PSMG4: variants seen among roughly 807,000 people sequenced by gnomAD.
The protein encoded by PSMG4 is proteasome assembly chaperone 4.
A neutral mutation model predicts 11.0 loss-of-function variants in PSMG4; 10 were observed. The observed-to-expected ratio is 0.91, with a 90% CI of 0.56 to 1.54. PSMG4 has a LOEUF of 1.54. Ranked by LOEUF, PSMG4 falls within the 40% of genes most tolerant of loss-of-function variation. The pLI, the probability that PSMG4 is intolerant of heterozygous loss-of-function variation, is 0.00. For synonymous variants in PSMG4, 95 were observed against 71.3 expected (o/e 1.33, Z -1.68); for missense variants, 198 against 160.9 (o/e 1.23, Z -1.25).
intron 1 of PSMG4, 137 bp downstream of exon 1, chr6:3,259,333 C>G: frequency 2.4e-6 from 2 of 821,666 alleles, no homozygotes; most frequent in Non-Finnish European, 3.2e-6. Flanking sequence ...CGTGGGATGT[C>G]TTAGGAAGCC....
chr6:3,254,959 C>A (rs375948598), upstream of PSMG4: 84 of 1,387,510 alleles, frequency 6.1e-5, no homozygotes, highest in Non-Finnish European at 7.7e-5. Context: ...TTGGGTGTTG[C>A]AGAGCATGTG....
chr6:3,254,951 G>T (rs533745620), upstream of PSMG4: 4 of 1,314,814 alleles, frequency 3.0e-6, no homozygotes, highest in Non-Finnish European at 4.1e-6. Flanking sequence ...GTCAGCTGTT[G>T]GGTGTTGCAG....
At chr6:3,263,636 C>A in intron 1 of PSMG4, 48 bp from the exon 2 acceptor site, 1 of 1,452,272 alleles carries the variant, frequency 6.9e-7, no homozygotes, top group Non-Finnish European at 9.2e-7. Context: ...GTGTGGCTGG[C>A]CTGCGGGGGG....
chr6:3,263,339 G>A (rs977505476), intron 1 of PSMG4, among the ~76,000 whole-genome samples: 38 of 152,246 alleles, frequency 2.5e-4, no homozygotes, highest in African/African-American at 8.7e-4. Context: ...TCTTGCTGTA[G>A]CCTTAATGAT....
Position 3,264,300 on chromosome 6 carries a change from A to G in PSMG4, c.250+541A>G, listed in dbSNP as rs757193433. Reference sequence around the variant, plus strand: ...AGGCTGAATGCTCCACTCTTCCCACACCCCAACACACTTCCTGTGGGCCAG... The same window carrying G: ...AGGCTGAATGCTCCACTCTTCCCACGCCCCAACACACTTCCTGTGGGCCAG... On this transcript the variant is annotated intron_variant, in intron 2 of 2. Transcript: ENST00000438998. 6 of 1,550,978 alleles carry G rather than the reference A, an allele frequency of 3.9e-6. 1 individual carries two copies. The South Asian group carries it at 7.1e-5, about 18-fold the overall frequency.
chr6:3,254,444 T>C (rs556598668), upstream of PSMG4, among the ~76,000 whole-genome samples: 10 of 69,160 alleles, frequency 1.4e-4, no homozygotes, highest in Middle Eastern at 5.6e-3. Flanking sequence ...GCTGTAATAG[T>C]TTTCTGCTTT....
At chr6:3,258,168 G>C (rs1757829636), upstream of PSMG4, among the ~76,000 whole-genome samples, 1 of 74,506 alleles carries the variant, frequency 1.3e-5, no homozygotes, top group Non-Finnish European at 4.7e-5. Context: ...CCATAGGTAT[G>C]ACAATGGGAT....
chr6:3,258,565 T>C (rs961758360), upstream of PSMG4, among the ~76,000 whole-genome samples: 2 of 152,116 alleles, frequency 1.3e-5, no homozygotes, highest in African/African-American at 2.4e-5. Context: ...AATTTTTAAT[T>C]AAATTAATGT....
At chr6:3,254,680 AAACTC>A (rs1326665723), upstream of PSMG4, among the ~76,000 whole-genome samples, 3 of 152,190 alleles carry the variant, frequency 2.0e-5, no homozygotes, top group Non-Finnish European at 4.4e-5. Context: ...CGAAACCACT[AAACTC>A]AACAGAAAGA....
upstream of PSMG4, chr6:3,255,137 TTC>T (rs761042138): frequency 3.7e-5 from 58 of 1,550,932 alleles, no homozygotes; most frequent in South Asian, 1.4e-4. Context: ...GTATTGGTCA[TTC>T]TCTTTGAGGA....
upstream of PSMG4, among the ~76,000 whole-genome samples, chr6:3,257,049 C>T (rs1165615095): frequency 3.3e-5 from 5 of 152,100 alleles, no homozygotes; most frequent in Non-Finnish European, 5.9e-5. Flanking sequence ...TTCACTGTCA[C>T]AGAGTGAGCA....
chr6:3,262,792 G>GGTTTT (rs10622830), intron 1 of PSMG4, among the ~76,000 whole-genome samples: 83,986 of 141,392 alleles, frequency 0.59, 25,476 homozygotes, highest in Admixed American at 0.68. Flanking sequence ...ACCAATAAGT[G>GGTTTT]TTTTTTTTTT....
chr6:3,267,170 ATTT>A (rs11305981), intron 2 of PSMG4: 6,428 of 148,262 alleles, frequency 0.043, 476 homozygotes, highest in African/African-American at 0.15. Context: ...TTGTGTTTAA[ATTT>A]TTTTTTTTTT....
At chr6:3,257,225 G>A (rs746875325), upstream of PSMG4, among the ~76,000 whole-genome samples, 1 of 152,226 alleles carries the variant, frequency 6.6e-6, no homozygotes, top group Non-Finnish European at 1.5e-5. Flanking sequence ...GTCAAGGGGA[G>A]TGAGAGAGGA....
chr6:3,254,414 C>T (rs771264486), upstream of PSMG4, among the ~76,000 whole-genome samples: 7 of 151,834 alleles, frequency 4.6e-5, no homozygotes, highest in South Asian at 2.1e-4. Flanking sequence ...GGTGGCACAT[C>T]TGAGGAGGTA....
rs779985403 is a variant in PSMG4, at chr6:3,259,113, A to C, written c.91A>C (p.Met31Leu). The change falls in exon 1 of 3, where the codon ATG (methionine) becomes CTG (leucine). Residue 31 changes from methionine to leucine, a missense_variant. By Grantham distance (15) the Met-to-Leu change is conservative. Coordinates refer to ENST00000438998, the MANE Select transcript of PSMG4 (RefSeq NM_001128591.2). ...LWEQLVHFHV[M>L]RLTDSLFLWV... is the part of the protein sequence containing the mutation. ...GGAGCAGCTGGTCCACTTCCACGTC[A>C]TGCGGCTGACGGACTCGCTGTTCCT... 7.8e-7 allele frequency: 1 copy of C among 1,280,272 alleles called. No homozygotes were observed. Among genetic ancestry groups the C allele is most frequent in the Non-Finnish European group, 9.9e-7 (1 of 1,011,960 alleles). 79.3% of individuals were successfully genotyped at this position (1,280,272 alleles called of 1,614,324 possible).
At chr6:3,255,674 T>A (rs543530452), upstream of PSMG4, among the ~76,000 whole-genome samples, 1 of 152,330 alleles carries the variant, frequency 6.6e-6, no homozygotes. Context: ...TTAAGTGATT[T>A]GTATGAGATC....
At chr6:3,258,801 G>C (rs1376301040), upstream of PSMG4, 6 of 390,976 alleles carry the variant, frequency 1.5e-5, no homozygotes, top group Non-Finnish European at 2.7e-5. Context: ...AAGACAACCA[G>C]GGACAGCTAC....
chr6:3,264,509 C>A, intron 2 of PSMG4: 1 of 1,183,260 alleles, frequency 8.5e-7, no homozygotes, highest in Non-Finnish European at 1.1e-6. Flanking sequence ...GTGTCAGTCA[C>A]ACTGAGGCAA....
Sources: allele counts gnomAD v4.1 joint callset (sites outside exome capture counted in the v4.1 genomes callset), GRCh38; gene constraint gnomAD v4.1.1; transcripts MANE v1.5; gene names NCBI Gene and HGNC (gene_info 2026-07-23, HGNC 2026-07-21).